Variants in NCKAP5 observed in about 807,000 individuals in gnomAD.
NCKAP5 encodes the protein nck-associated protein 5.
In NCKAP5, 92 loss-of-function variants were observed where a neutral mutation model predicts 167.0. The observed-to-expected ratio is 0.55, with a 90% confidence interval of 0.47 to 0.66. The LOEUF is 0.66. Among genes scored for constraint, NCKAP5 ranks in the 30% least tolerant of loss-of-function variants. The pLI, the probability that NCKAP5 is intolerant of heterozygous loss-of-function variation, is 0.00. For missense variants in NCKAP5, 2,378 were observed against 2,315.0 expected (o/e 1.03, Z -0.56); for synonymous variants, 891 against 877.4 (o/e 1.02, Z -0.27).
chr2:133,096,678 T>A (rs1484017984), intron 6 of NCKAP5, among the ~76,000 whole-genome samples: 1 of 152,084 alleles, frequency 6.6e-6, no homozygotes, highest in Non-Finnish European at 1.5e-5. Flanking sequence ...TTAAGTTGAG[T>A]TTATCTTCCA....
chr2:133,224,858 C>T (rs925154397), intron 4 of NCKAP5, among the ~76,000 whole-genome samples: 4 of 152,036 alleles, frequency 2.6e-5, no homozygotes, highest in Non-Finnish European at 5.9e-5. Context: ...TAAAGTCAAA[C>T]ACTTCAAAAA....
chr2:133,654,874 A>C, the NCKAP5 span, among the ~76,000 whole-genome samples: 62 of 152,280 alleles, frequency 4.1e-4, 1 homozygote, highest in Non-Finnish European at 8.8e-5. Flanking sequence ...GAGATGCCAT[A>C]ACCTTTAACT....
At position 133,164,745 on chromosome 2, in the gene NCKAP5, G is replaced by T. The variant is rs182335562; in HGVS notation, c.208-34634C>A. 5.9e-5 allele frequency among the ~76,000 whole-genome samples: 9 copies of T among 152,088 alleles called. No homozygotes were observed. The South Asian group carries it at 1.9e-3, about 32-fold the overall frequency. On this transcript the variant is annotated intron_variant, in intron 5 of 19. Transcript: ENST00000409261. ...TTAAACCCCTATCCTTCAGTGTCTC[G>T]GGAATCTCTGCTTTCCATGGATCTT...
At chr2:132,985,492 T>C (rs374685610) in intron 7 of NCKAP5, among the ~76,000 whole-genome samples, 2 of 152,200 alleles carry the variant, frequency 1.3e-5, no homozygotes, top group East Asian at 1.9e-4. Context: ...AATATTTCTG[T>C]AGGATGTAGA....
At chr2:133,409,540 T>C (rs781179202) in intron 3 of NCKAP5, among the ~76,000 whole-genome samples, 2 of 152,208 alleles carry the variant, frequency 1.3e-5, no homozygotes, top group Non-Finnish European at 2.9e-5. Flanking sequence ...ATCTCTAGCA[T>C]GTAGACAGCA....
rs145286920 is a variant in NCKAP5, at chr2:133,435,927, G to T, written c.69+81531C>A. Among the ~76,000 whole-genome samples, 437 of 152,064 alleles carry T rather than the reference G, an allele frequency of 2.9e-3. 2 individuals are homozygous for T. The highest frequency in any genetic ancestry group is 0.01 in the African/African-American group (421 of 41,468). ...CCTTGAGTCACCTCACATTCTACGC[G>T]ATCAAAACTGAATTTTTCGTCTTCC... is the stretch of plus-strand genomic sequence containing the variant. On this transcript the variant is annotated intron_variant, in intron 3 of 19. Coordinates refer to ENST00000409261, the MANE Select transcript of NCKAP5 (RefSeq NM_207363.3).
At chr2:133,371,770 C>T (rs1685821136) in intron 3 of NCKAP5, among the ~76,000 whole-genome samples, 2 of 152,136 alleles carry the variant, frequency 1.3e-5, no homozygotes, top group African/African-American at 4.8e-5. Context: ...CCTTCCTGGG[C>T]TGCTAATGTG....
In NCKAP5 at chr2:132,987,910, T is replaced by C. The variant is rs536928588; in HGVS notation, c.429+6242A>G. On this transcript the variant is annotated intron_variant, in intron 7 of 19. Coordinates refer to ENST00000409261, the MANE Select transcript of NCKAP5 (RefSeq NM_207363.3). ...TGCCTCAGTTTCCTCTTCTGTAAAA[T>C]AGGTGAAATTACAGTAACTCTTTCA... Among the ~76,000 whole-genome samples the C allele has an allele frequency of 3.9e-5, 6 of 152,300 alleles. No homozygotes were observed. In the South Asian group the frequency reaches 1.0e-3, roughly 26 times the overall value.
At chr2:132,861,167 C>T (rs1417392853) in intron 10 of NCKAP5, among the ~76,000 whole-genome samples, 2 of 152,074 alleles carry the variant, frequency 1.3e-5, no homozygotes, top group African/African-American at 4.8e-5. Context: ...ACTTGCCCAT[C>T]CTCTGAACTC....
At chr2:133,076,576 G>GT (rs1255247762) in intron 6 of NCKAP5, among the ~76,000 whole-genome samples, 3 of 152,240 alleles carry the variant, frequency 2.0e-5, no homozygotes, top group African/African-American at 7.2e-5. Context: ...ATTAACAGTG[G>GT]TTTACAGAAA....
chr2:133,421,356 T>C (rs1010406095), intron 3 of NCKAP5, among the ~76,000 whole-genome samples: 3 of 151,608 alleles, frequency 2.0e-5, no homozygotes, highest in Admixed American at 2.0e-4. Context: ...TAACATCGAA[T>C]AGTGCTTACA....
chr2:132,810,055 C>T (rs1013275775), intron 11 of NCKAP5, among the ~76,000 whole-genome samples: 2 of 152,182 alleles, frequency 1.3e-5, no homozygotes, highest in African/African-American at 4.8e-5. Context: ...CTTAGTTTCA[C>T]TGTATACAAA....
intron 6 of NCKAP5, among the ~76,000 whole-genome samples, chr2:133,114,164 C>G (rs762640410): frequency 3.2e-4 from 48 of 152,118 alleles, no homozygotes; most frequent in Non-Finnish European, 5.4e-4. Flanking sequence ...TATAGACTTG[C>G]AAATAAGAGT....
chr2:132,711,763 T>A (rs373975963), intron 19 of NCKAP5, among the ~76,000 whole-genome samples: 17 of 152,156 alleles, frequency 1.1e-4, no homozygotes, highest in African/African-American at 4.1e-4. Flanking sequence ...AAAAACTCAA[T>A]TAGGCCAAAT....
rs540856002 is a variant in NCKAP5 at position 132,889,835 on chromosome 2, C to CA, written c.580-10920dup. On this transcript the variant is annotated intron_variant, in intron 8 of 19. Transcript: ENST00000409261. ...GAGAAAACCTTGGGTTCAACAATGG[C>CA]AAAAAAAATAAATAAATAAAATAAC... Among the ~76,000 whole-genome samples the CA allele has an allele frequency of 1.3e-4, 19 of 150,942 alleles. 1 individual carries two copies. Among genetic ancestry groups the CA allele is most frequent in the South Asian group, 8.3e-4 (4 of 4,794 alleles).
chr2:133,526,563 C>T (rs1394140068), intron 2 of NCKAP5, among the ~76,000 whole-genome samples: 1 of 152,102 alleles, frequency 6.6e-6, no homozygotes, highest in Admixed American at 6.5e-5. Flanking sequence ...ACTATTGCTA[C>T]ATCTTCAATG....
the NCKAP5 span, among the ~76,000 whole-genome samples, chr2:133,661,343 G>A: frequency 6.6e-6 from 1 of 152,174 alleles, no homozygotes; most frequent in Non-Finnish European, 1.5e-5. Context: ...ACCAACTCTA[G>A]AGGCTTTGTT....
chr2:133,483,485 T>C (rs867216548), intron 3 of NCKAP5, among the ~76,000 whole-genome samples: 1 of 152,060 alleles, frequency 6.6e-6, no homozygotes. Context: ...TGCAAATGAG[T>C]CCAAGATTCT....
the NCKAP5 span, among the ~76,000 whole-genome samples, chr2:133,667,987 T>G: frequency 2.0e-5 from 3 of 152,056 alleles, no homozygotes. Context: ...ACTTTATTTT[T>G]CTATGGATTT....
Sources: gnomAD v4.1 joint callset for allele counts (sites outside exome capture counted in the v4.1 genomes callset) on GRCh38, gnomAD v4.1.1 for gene constraint, MANE v1.5 for transcripts, NCBI Gene and HGNC (gene_info 2026-07-23, HGNC 2026-07-21) for gene names.